CYFIP2: variants seen among roughly 807,000 people sequenced by gnomAD.
CYFIP2 encodes cytoplasmic FMR1-interacting protein 2.
CYFIP2 carries 29 observed loss-of-function variants against 158.7 expected under a neutral mutation model. The ratio of observed to expected loss-of-function variants is 0.18; its 90% confidence interval spans 0.14 to 0.25. CYFIP2 has a LOEUF of 0.25. Ranked by LOEUF, CYFIP2 falls within the 10% of genes least tolerant of loss-of-function variation. The pLI, the probability that CYFIP2 is intolerant of heterozygous loss-of-function variation, is 1.00. For missense variants in CYFIP2, 852 were observed against 1,639.5 expected (o/e 0.52, Z 8.29); for synonymous variants, 585 against 617.6 (o/e 0.95, Z 0.78).
chr5:157,385,154 C>G (rs1766546544), intron 28 of CYFIP2, among the ~76,000 whole-genome samples: 1 of 152,300 alleles, frequency 6.6e-6, no homozygotes, highest in African/African-American at 2.4e-5. Context: ...ATCCTGCAGG[C>G]ATCCCGCCTC....
rs746304100 is a variant in CYFIP2, at chr5:157,327,932, T to C, written c.2080-41T>C. ...GTTGGCTCAGTTTCTGTCATAAAGC[T>C]GAACGGGCACCAGTGATGTTTCCTG... is the stretch of plus-strand genomic sequence containing the variant. On this transcript the variant is annotated intron_variant, in intron 18 of 30. Coordinates refer to ENST00000620254, the MANE Select transcript of CYFIP2 (RefSeq NM_001037333.3). The C allele has an allele frequency of 4.4e-6, 7 of 1,598,032 alleles. No homozygotes were observed. The East Asian group carries it at 8.9e-5, about 20-fold the overall frequency.
intron 2 of CYFIP2, among the ~76,000 whole-genome samples, chr5:157,285,830 T>C (rs1580972812): frequency 6.6e-6 from 1 of 152,202 alleles, no homozygotes; most frequent in South Asian, 2.1e-4. Flanking sequence ...TAATTACTTT[T>C]CCTTCATGCA....
chr5:157,392,320 T>A (rs1245133025), intron 30 of CYFIP2, among the ~76,000 whole-genome samples: 1 of 152,142 alleles, frequency 6.6e-6, no homozygotes, highest in Non-Finnish European at 1.5e-5. Context: ...ATCATGAAAA[T>A]TTTTCCCCTA....
intron 1 of CYFIP2, among the ~76,000 whole-genome samples, chr5:157,267,148 C>T (rs938871447): frequency 6.6e-6 from 1 of 152,232 alleles, no homozygotes; most frequent in African/African-American, 2.4e-5. Context: ...TGCTTGCCTA[C>T]TTTCCCCAGC....
At chr5:157,280,994 G>T (rs528967163) in intron 1 of CYFIP2, among the ~76,000 whole-genome samples, 52 of 152,290 alleles carry the variant, frequency 3.4e-4, no homozygotes, top group African/African-American at 1.2e-3. Context: ...GTCCACACAT[G>T]ATAGTGTGTT....
chr5:157,311,024 T>C lies in CYFIP2; in HGVS notation c.993-640T>C, dbSNP rs1223653305. ...AGGATGGTTTTCCTAATGACATCTT[T>C]TCACAAGGCGTGGAAAAAAGGCGGA... On this transcript the variant is annotated intron_variant, in intron 10 of 30. Transcript: ENST00000620254. The surrounding 1 kb of genome is among the most constrained non-coding windows in gnomAD (Gnocchi z 4.7). The C allele has an allele frequency of 6.6e-6, 3 of 453,900 alleles. No homozygotes were observed. Among genetic ancestry groups the C allele is most frequent in the Non-Finnish European group, 1.3e-5 (3 of 226,490 alleles). 28.1% of individuals were successfully genotyped at this position (453,900 alleles called of 1,614,324 possible).
intron 1 of CYFIP2, among the ~76,000 whole-genome samples, chr5:157,267,112 A>G (rs1580927436): frequency 6.6e-6 from 1 of 152,208 alleles, no homozygotes; most frequent in East Asian, 1.9e-4. Flanking sequence ...GTGCCTCCCC[A>G]GCACAGGGAA....
At position 157,286,562 on chromosome 5, in the gene CYFIP2, A is replaced by G. The variant is rs895437260; in HGVS notation, c.118-457A>G. ...GATATGCTATTTTATGTATATATAT[A>G]TATATATATATATATATTTAGCCTT... is the stretch of plus-strand genomic sequence containing the variant. On this transcript the variant is annotated intron_variant, in intron 2 of 30. Transcript: ENST00000620254. Among the ~76,000 whole-genome samples the G allele has an allele frequency of 9.7e-4, 144 of 147,778 alleles. 1 individual carries two copies. Among genetic ancestry groups the G allele is most frequent in the African/African-American group, 3.1e-3 (123 of 40,290 alleles).
At chr5:157,377,863 G>T (rs533236907) in intron 26 of CYFIP2, among the ~76,000 whole-genome samples, 47 of 152,326 alleles carry the variant, frequency 3.1e-4, no homozygotes, top group Non-Finnish European at 2.8e-4. Flanking sequence ...CTCAATCAAT[G>T]TTTACATGAG....
At position 157,266,782 on chromosome 5, in the gene CYFIP2, G is replaced by A. The variant is rs1187576636; in HGVS notation, c.-24+587G>A. The stretch of plus-strand genomic sequence containing the variant: ...AGGAGCAGGTCTGACCCGCTTGGAA[G>A]CTTTCTGGCCTACACTAGCATCGCT... On this transcript the variant is annotated intron_variant, in intron 1 of 30. Coordinates refer to ENST00000620254, the MANE Select transcript of CYFIP2 (RefSeq NM_001037333.3). This position sits in a 1 kb window ranked among gnomAD's most constrained non-coding sequence, Gnocchi z 4.2. 2 of 152,428 alleles carry A rather than the reference G, an allele frequency of 1.3e-5. No homozygotes were observed. Among genetic ancestry groups the A allele is most frequent in the Admixed American group, 1.3e-4 (2 of 15,278 alleles). The allele number at this position is 152,428 out of a possible 1,614,324, so 9.4% of individuals were successfully genotyped here. A position where few individuals can be genotyped will look rare whatever the true frequency, so the allele number is the denominator to read the frequency against.
intron 1 of CYFIP2, 52 bp from the exon 2 acceptor site, chr5:157,285,287 A>T: frequency 7.8e-7 from 1 of 1,281,588 alleles, no homozygotes. Flanking sequence ...GGTTAAGAGG[A>T]ATTTTAGAGG....
At position 157,293,010 on chromosome 5, in the gene CYFIP2, ATATGTATGTATGTATG is replaced by A. The variant is rs57500401; in HGVS notation, c.208-1731_208-1716del. 8.2e-3 allele frequency among the ~76,000 whole-genome samples: 1,182 copies of A among 144,350 alleles called. 11 individuals carry two copies. Among genetic ancestry groups the A allele is most frequent in the African/African-American group, 0.024 (901 of 37,418 alleles). The allele number at this position is 144,350 out of a possible 152,430, so 94.7% of individuals were successfully genotyped here. On this transcript the variant is annotated intron_variant, in intron 3 of 30. Coordinates refer to ENST00000620254, the MANE Select transcript of CYFIP2 (RefSeq NM_001037333.3). ...TGATGAAGCTGGGATTTGAGCCCAG[ATATGTATGTATGTATG>A]TATGTATGTATGTATGTATGTATGT...
At chr5:157,343,617 T>C (rs1423706819) in intron 23 of CYFIP2, 1 of 1,193,348 alleles carries the variant, frequency 8.4e-7, no homozygotes, top group Non-Finnish European at 1.2e-6. Flanking sequence ...TAGCCACCAT[T>C]TATTGCACAT....
At chr5:157,331,128 C>T (rs1001863613) in intron 20 of CYFIP2, among the ~76,000 whole-genome samples, 1 of 152,000 alleles carries the variant, frequency 6.6e-6, no homozygotes, top group African/African-American at 2.4e-5. Context: ...TAACCTGCAG[C>T]CCACTTTTTT....
Position 157,309,813 on chromosome 5 carries a change from A to G in CYFIP2, c.971A>G (p.His324Arg), listed in dbSNP as rs1221242924. 7 of 1,601,426 alleles carry G rather than the reference A, an allele frequency of 4.4e-6. No homozygotes were observed. Among genetic ancestry groups the G allele is most frequent in the Non-Finnish European group, 5.1e-6 (6 of 1,174,258 alleles). Residue 324 changes from histidine (H) to arginine (R), a missense_variant, in exon 10 of 31, where the codon CAC becomes CGC. By Grantham distance (29) the His-to-Arg change is conservative (BLOSUM62 0). This residue lies in a region of CYFIP2 where 133 missense variants were observed against 197.1 expected (regional missense o/e 0.67). Transcript: ENST00000620254. ...GCCAGATACATTAAGACCAGTGCTC[A>G]CTATGAAGAGAACAAGTCCAAGTGA... Reference protein sequence around the residue: ...ELARYIKTSAHYEENKSKWTC... With the variant: ...ELARYIKTSARYEENKSKWTC...
intron 3 of CYFIP2, among the ~76,000 whole-genome samples, chr5:157,292,803 C>T (rs144526345): frequency 1.5e-3 from 214 of 145,442 alleles, no homozygotes; most frequent in African/African-American, 5.0e-3. Flanking sequence ...CTGTGGTTAA[C>T]GTGTTGTGAC....
chr5:157,292,289 G>T (rs1757886762), intron 3 of CYFIP2, among the ~76,000 whole-genome samples: 1 of 150,840 alleles, frequency 6.6e-6, no homozygotes, highest in Admixed American at 6.6e-5. Flanking sequence ...GCACAATCTT[G>T]GCTCACCGCA....
chr5:157,286,283 A>G (rs1469978269), intron 2 of CYFIP2, among the ~76,000 whole-genome samples: 1 of 151,622 alleles, frequency 6.6e-6, no homozygotes, highest in Non-Finnish European at 1.5e-5. Flanking sequence ...GTATACAAAA[A>G]CATATAAATT....
At position 157,343,109 on chromosome 5, in the gene CYFIP2, G is replaced by A. The variant is rs144888112; in HGVS notation, c.2673+1952G>A. ...GTGGCCAGCCCTGTAAGACCATCGCGGCTCATGGCAACGGACACACCAGAA... is the reference window on the plus strand; with the variant it reads ...GTGGCCAGCCCTGTAAGACCATCGCAGCTCATGGCAACGGACACACCAGAA... On this transcript the variant is annotated intron_variant, in intron 23 of 30. Transcript: ENST00000620254. 8.0e-4 allele frequency: 1,284 copies of A among 1,614,168 alleles called. No individual in the cohort carries two copies. Among genetic ancestry groups the A allele is most frequent in the Non-Finnish European group, 9.9e-4 (1,169 of 1,180,012 alleles).
Sources: gnomAD v4.1 joint callset for allele counts (sites outside exome capture counted in the v4.1 genomes callset) on GRCh38, gnomAD v4.1.1 for gene constraint, gnomAD v4.1.1 regional missense constraint, Gnocchi (gnomAD v3.1) non-coding constraint, MANE v1.5 for transcripts, NCBI Gene and HGNC (gene_info 2026-07-23, HGNC 2026-07-21) for gene names.